The following RYR3 variants were observed in gnomAD, a reference collection of about 807,000 sequenced individuals.
RYR3 encodes brain ryanodine receptor-calcium release channel.
RYR3 carries 207 observed loss-of-function variants against 584.3 expected under a neutral mutation model. The ratio of observed to expected loss-of-function variants is 0.35; its 90% CI spans 0.32 to 0.40. The LOEUF is 0.40. Ranked by LOEUF, RYR3 falls within the 10% of genes least tolerant of loss-of-function variation. The probability of loss-of-function intolerance (pLI) is 1.00; values close to 1 mark genes in which losing one functional copy is unlikely to be tolerated. For synonymous variants in RYR3, 2,416 were observed against 2,248.5 expected, an observed-to-expected ratio of 1.07 and a Z score of -2.11; for missense variants, 5,616 against 6,089.2, an observed-to-expected ratio of 0.92 and a Z score of 2.59.
chr15:33,835,533 TG>T (rs1172569353), intron 87 of RYR3, among the ~76,000 whole-genome samples: 3 of 152,284 alleles, frequency 2.0e-5, no homozygotes, highest in East Asian at 3.9e-4. Context: ...TCTGGCAAGA[TG>T]AATCAGAACC....
intron 38 of RYR3, among the ~76,000 whole-genome samples, chr15:33,691,080 T>C (rs2065392018): frequency 6.6e-6 from 1 of 152,170 alleles, no homozygotes; most frequent in South Asian, 2.1e-4. Flanking sequence ...TTCCAATAAT[T>C]ATGGATATTC....
chr15:33,626,984 A>G lies in RYR3; in HGVS notation c.2575-1487A>G, dbSNP rs185697212. On this transcript the variant is annotated intron_variant, in intron 20 of 103. Transcript: ENST00000634891. ...AAATGTGGGATTGAAGCCCCCACAC[A>G]GAGTCCTCACTGGGACACTGCCTAG... Among the ~76,000 whole-genome samples the G allele has an allele frequency of 3.0e-4, 46 of 152,292 alleles. 1 individual carries two copies. The highest frequency in any genetic ancestry group is 1.1e-3 in the African/African-American group (44 of 41,578).
chr15:33,715,353 A>T (rs923894057), intron 43 of RYR3, among the ~76,000 whole-genome samples: 2 of 152,252 alleles, frequency 1.3e-5, no homozygotes, highest in African/African-American at 4.8e-5. Context: ...AGTTGAAAAG[A>T]TTCAGCAAGC....
At chr15:33,761,842 C>T (rs1168551419) in intron 60 of RYR3, among the ~76,000 whole-genome samples, 3 of 152,142 alleles carry the variant, frequency 2.0e-5, no homozygotes, top group South Asian at 2.1e-4. Context: ...TGATGAACAT[C>T]GATGCGAAAA....
intron 49 of RYR3, 126 bp downstream of exon 49, chr15:33,736,451 G>A: frequency 3.3e-6 from 2 of 608,972 alleles, no homozygotes; most frequent in Non-Finnish European, 5.6e-6. Context: ...TTAAGTTGAT[G>A]GTTAGCTAAC....
At chr15:33,523,495 C>T (rs938529264) in intron 3 of RYR3, among the ~76,000 whole-genome samples, 6 of 152,166 alleles carry the variant, frequency 3.9e-5, no homozygotes, top group African/African-American at 1.4e-4. Context: ...TCTGCGGCTT[C>T]ATTCTTGAAG....
At chr15:33,379,687 C>CTCTCTATATATATATATATATATATATA in intron 1 of RYR3, among the ~76,000 whole-genome samples, 1 of 125,520 alleles carries the variant, frequency 8.0e-6, no homozygotes, top group African/African-American at 3.5e-5. Flanking sequence ...CTCTCTCTCT[C>CTCTCTATATATATATATATATATATATA]TATATATATA....
In RYR3 at chr15:33,623,915, G is replaced by C; in HGVS notation, c.2466G>C (p.Glu822Asp). The C allele has an allele frequency of 1.9e-6, 3 of 1,613,826 alleles. No individual in the cohort carries two copies. In the South Asian group the frequency reaches 3.3e-5, roughly 18 times the overall value. Residue 822 changes from glutamate to aspartate, a missense_variant, in exon 20 of 104, where the codon GAG becomes GAC. By Grantham distance (45) the Glu-to-Asp change is conservative. Around this residue, in one of 9 missense-constraint regions of RYR3, gnomAD observed 1,284 missense variants for 1,344.6 expected, o/e 0.95. Coordinates refer to ENST00000634891, the MANE Select transcript of RYR3 (RefSeq NM_001036.6). The stretch of plus-strand genomic sequence containing the variant: ...TTCCAAAAGAGAAGATGAGATTGGA[G>C]CCTGTCAAAGAATATAAACGTGATG... ...ALLPKEKMRL[E>D]PVKEYKRDAD...
At chr15:33,485,533 T>G (rs2050341901) in intron 2 of RYR3, among the ~76,000 whole-genome samples, 1 of 152,164 alleles carries the variant, frequency 6.6e-6, no homozygotes. Flanking sequence ...GAACTGACTT[T>G]CAGATAAATG....
chr15:33,861,502 CAAAG>C (rs1888206987), intron 102 of RYR3, among the ~76,000 whole-genome samples: 1 of 149,840 alleles, frequency 6.7e-6, no homozygotes, highest in African/African-American at 2.5e-5. Context: ...TAATCCTAAA[CAAAG>C]AAAAATCTGT....
In RYR3 at chr15:33,580,079, C is replaced by G. The variant is rs1308213427; in HGVS notation, c.1372C>G (p.Arg458Gly). The change falls in exon 13 of 104, where the codon CGA (arginine) becomes GGA (glycine). Residue 458 changes from arginine to glycine, a missense_variant. Transcript: ENST00000634891. ...CTTCCAGCCCCCAGAGGAGGAGATGCGACATGAAGACAAGCAGAACAAGCT... is the reference window on the plus strand; with the variant it reads ...CTTCCAGCCCCCAGAGGAGGAGATGGGACATGAAGACAAGCAGAACAAGCT... ...AYFQPPEEEM[R>G]HEDKQNKLRS... 1.5e-5 allele frequency: 25 copies of G among 1,613,268 alleles called. No homozygotes were observed. Among genetic ancestry groups the G allele is most frequent in the Non-Finnish European group, 2.0e-5 (24 of 1,179,560 alleles).
At position 33,580,033 on chromosome 15, in the gene RYR3, C is replaced by A. The variant is rs778401973; in HGVS notation, c.1326C>A (p.Thr442=). Residue 442 remains threonine, a synonymous_variant, in exon 13 of 104, where the codon ACC becomes ACA. Transcript: ENST00000634891. ...TGCCTATAGAAGAAGTCCTGCAGAC[C>A]CTACAGGACTTGATCGCCTACTTCC... ...ITLPIEEVLQ[T]LQDLIAYFQP... is the part of the protein sequence containing the mutation. The A allele has an allele frequency of 6.2e-7, 1 of 1,612,592 alleles. No individual in the cohort carries two copies. The highest frequency in any genetic ancestry group is 2.2e-5 in the East Asian group (1 of 44,810).
In RYR3 at chr15:33,530,810, C is replaced by T; in HGVS notation, c.354+144C>T. 4 of 663,958 alleles carry T rather than the reference C, an allele frequency of 6.0e-6. No individual in the cohort carries two copies. In the South Asian group the frequency reaches 7.2e-5, roughly 12 times the overall value. The allele number at this position is 663,958 out of a possible 1,614,324, so 41.1% of individuals were successfully genotyped here. On this transcript the variant is annotated intron_variant, in intron 4 of 103. Transcript: ENST00000634891. ...TTAGCACGTTATCCTCTTGGCATTT[C>T]CTACATATGACCTACCTCAATTTGC... is the stretch of plus-strand genomic sequence containing the variant.
Position 33,601,468 on chromosome 15 carries a change from G to C in RYR3, c.1838G>C (p.Arg613Thr). The C allele has an allele frequency of 6.2e-7, 1 of 1,613,444 alleles. No individual in the cohort carries two copies. The highest frequency in any genetic ancestry group is 8.5e-7 in the Non-Finnish European group (1 of 1,179,674). The change falls in exon 17 of 104, where the codon AGA becomes ACA. Residue 613 changes from arginine to threonine, a missense_variant. Physicochemically the swap from Arg to Thr is moderately conservative, Grantham distance 71. Around this residue, in one of 9 missense-constraint regions of RYR3, gnomAD observed 1,284 missense variants for 1,344.6 expected, o/e 0.95. Coordinates refer to ENST00000634891, the MANE Select transcript of RYR3 (RefSeq NM_001036.6). ...SLCLCNGVAV[R>T]ANQNLICDNL... ...TGTCTCTGCAATGGGGTTGCAGTGA[G>C]AGCCAACCAGAATCTGATCTGTGAC...
chr15:33,579,425 T>G (rs575724761), intron 12 of RYR3, among the ~76,000 whole-genome samples: 2 of 151,014 alleles, frequency 1.3e-5, no homozygotes, highest in Non-Finnish European at 2.9e-5. Flanking sequence ...GACCCAGTGA[T>G]AGAAATCCTT....
intron 32 of RYR3, among the ~76,000 whole-genome samples, chr15:33,658,151 G>A (rs1422257639): frequency 6.6e-6 from 1 of 152,178 alleles, no homozygotes; most frequent in African/African-American, 2.4e-5. Context: ...CTCAGTCCAG[G>A]GTCTCACAAG....
intron 1 of RYR3, among the ~76,000 whole-genome samples, chr15:33,346,068 A>G (rs1972424767): frequency 2.6e-5 from 4 of 152,230 alleles, no homozygotes; most frequent in African/African-American, 9.6e-5. Flanking sequence ...ATTTTAAACC[A>G]TCATTATATA....
intron 30 of RYR3, among the ~76,000 whole-genome samples, chr15:33,647,710 A>T (rs1415109861): frequency 6.6e-6 from 1 of 152,184 alleles, no homozygotes; most frequent in African/African-American, 2.4e-5. Context: ...CTTGTTGCCC[A>T]TTTGCCATCA....
At chr15:33,663,478 C>T in intron 35 of RYR3, 59 bp from the exon 36 acceptor site, 3 of 1,450,360 alleles carry the variant, frequency 2.1e-6, no homozygotes, top group Non-Finnish European at 2.9e-6. Flanking sequence ...GTAAAATGGG[C>T]ATGCTAGCAG....
Sources: allele counts gnomAD v4.1 joint callset (sites outside exome capture counted in the v4.1 genomes callset), GRCh38; gene constraint gnomAD v4.1.1; regional missense constraint gnomAD v4.1.1; transcripts MANE v1.5; gene names NCBI Gene and HGNC (gene_info 2026-07-23, HGNC 2026-07-21).